Variants in ZNF682 observed in about 807,000 individuals in gnomAD.
ZNF682 encodes zinc finger protein 682.
A neutral mutation model predicts 36.5 loss-of-function variants in ZNF682; 29 were observed. The observed-to-expected ratio is 0.80, with a 90% confidence interval of 0.59 to 1.08. The LOEUF (loss-of-function observed/expected upper bound fraction) is 1.08, where lower values mean the gene tolerates loss of function less well. Among genes scored for constraint, ZNF682 ranks in the 50% least tolerant of loss-of-function variants. ZNF682 has a pLI of 0.00. For missense variants in ZNF682, 561 were observed against 579.7 expected, an observed-to-expected ratio of 0.97 and a Z score of 0.33; for synonymous variants, 180 against 197.0, an observed-to-expected ratio of 0.91 and a Z score of 0.72.
chr19:20,004,362 G>A (rs1391655825), downstream of ZNF682: 3 of 152,104 alleles, frequency 2.0e-5, no homozygotes, highest in East Asian at 5.8e-4. Context: ...ACTTGAGTAA[G>A]GTAAAATAGG....
chr19:20,022,912 A>T, intron 3 of ZNF682, 92 bp downstream of exon 3: 1 of 1,055,302 alleles, frequency 9.5e-7, no homozygotes, highest in East Asian at 2.4e-5. Flanking sequence ...TCTCCATTGG[A>T]GCAGAGCTTC....
At chr19:20,019,418 G>T (rs2088365146) in intron 3 of ZNF682, among the ~76,000 whole-genome samples, 1 of 152,122 alleles carries the variant, frequency 6.6e-6, no homozygotes, top group Non-Finnish European at 1.5e-5. Flanking sequence ...GTTCTTGGCA[G>T]TTATTTTTTG....
In ZNF682 at chr19:20,005,968, T is replaced by C. The variant is rs77288754; in HGVS notation, c.*37A>G. The C allele has an allele frequency of 6.5e-7, 1 of 1,535,396 alleles. No individual in the cohort carries two copies. The highest frequency in any genetic ancestry group is 8.8e-7 in the Non-Finnish European group (1 of 1,142,106). On this transcript the variant is annotated 3_prime_UTR_variant, in exon 4 of 4. Transcript: ENST00000397165. ...GCAAGATTTATGGAATTTGCCACAT[T>C]CTTTACATTTGTAGGATTTCTCTTT...
At position 20,007,045 on chromosome 19, in the gene ZNF682, CTT is replaced by C. The variant is rs750012647; in HGVS notation, c.455_456del (p.Lys152SerfsTer3). 2.5e-6 allele frequency: 4 copies of C among 1,613,590 alleles called. No individual in the cohort carries two copies. The South Asian group carries it at 4.4e-5, about 18-fold the overall frequency. On this transcript the variant is annotated frameshift_variant, in exon 4 of 4. Coordinates refer to ENST00000397165, the MANE Select transcript of ZNF682 (RefSeq NM_033196.3). LOFTEE classifies it low-confidence loss of function (END_TRUNC). ...TTTAGATTTGATGATTTACTAAAGA[CTT>C]TCACACATTTATTATATGGGAAAAT... The part of the protein sequence containing the change: ...SKIFPYNKCV[K>X]VFSKSSNLNR...
chr19:20,011,195 C>G (rs763165268), intron 3 of ZNF682, among the ~76,000 whole-genome samples: 11 of 151,798 alleles, frequency 7.2e-5, no homozygotes, highest in Non-Finnish European at 1.5e-4. Flanking sequence ...GATTTTAAAC[C>G]AACAACAGTA....
In ZNF682 at chr19:20,006,869, C is replaced by CT; in HGVS notation, c.632dup (p.Trp212ValfsTer7). On this transcript the variant is annotated frameshift_variant, in exon 4 of 4. Transcript: ENST00000397165. LOFTEE classifies it high-confidence loss of function. ...TATGTTTAGTAAGGTATGAGAACCA[C>CT]TTAAAGGTTTTGCCACATTCCTCAC... The CT allele has an allele frequency of 6.2e-7, 1 of 1,614,014 alleles. No individual in the cohort carries two copies. Among genetic ancestry groups the CT allele is most frequent in the South Asian group, 1.1e-5 (1 of 91,068 alleles).
intron 3 of ZNF682, among the ~76,000 whole-genome samples, chr19:20,020,948 C>T (rs950508988): frequency 1.1e-5 from 1 of 87,742 alleles, no homozygotes; most frequent in East Asian, 2.4e-4. Context: ...TATATACTTC[C>T]AGTCCTGAAA....
intron 3 of ZNF682, 29 bp from the exon 4 acceptor site, chr19:20,007,304 A>G: frequency 6.5e-7 from 1 of 1,547,852 alleles, no homozygotes; most frequent in Non-Finnish European, 8.7e-7. Context: ...AAAATATCCC[A>G]CTTGTTATTT....
At chr19:20,018,165 C>T (rs1247627426) in intron 3 of ZNF682, among the ~76,000 whole-genome samples, 1 of 133,148 alleles carries the variant, frequency 7.5e-6, no homozygotes, top group African/African-American at 2.7e-5. Context: ...GGGATCTCGG[C>T]TCACTGCAAG....
At chr19:20,002,412 G>A (rs1343311804), downstream of ZNF682, among the ~76,000 whole-genome samples, 2 of 152,194 alleles carry the variant, frequency 1.3e-5, no homozygotes, top group East Asian at 3.9e-4. Context: ...GTCCCTGGGT[G>A]CTGAAAGACG....
intron 1 of ZNF682, among the ~76,000 whole-genome samples, chr19:20,027,546 G>C (rs1265749940): frequency 6.6e-6 from 1 of 152,210 alleles, no homozygotes; most frequent in Admixed American, 6.5e-5. Context: ...GATCATCTGA[G>C]ATCGGGAGTT....
At chr19:20,003,123 G>A (rs561329501), downstream of ZNF682, among the ~76,000 whole-genome samples, 51 of 139,072 alleles carry the variant, frequency 3.7e-4, no homozygotes, top group African/African-American at 1.3e-3. Flanking sequence ...CCCGGGAGGC[G>A]GAGCTTGCAG....
chr19:20,022,163 C>T (rs1185378611), intron 3 of ZNF682, among the ~76,000 whole-genome samples: 5 of 140,268 alleles, frequency 3.6e-5, no homozygotes, highest in Admixed American at 7.2e-5. Context: ...AGTGAAACTC[C>T]GTCGCAAAAA....
intron 3 of ZNF682, among the ~76,000 whole-genome samples, chr19:20,009,893 A>G (rs1450304631): frequency 1.3e-5 from 2 of 152,060 alleles, no homozygotes; most frequent in African/African-American, 4.8e-5. Context: ...GGTAGCGTGC[A>G]CCTGTAGTCC....
At chr19:20,023,340 T>C (rs1286071727) in intron 2 of ZNF682, among the ~76,000 whole-genome samples, 1 of 151,310 alleles carries the variant, frequency 6.6e-6, no homozygotes, top group African/African-American at 2.4e-5. Context: ...CTACTAGAAA[T>C]ACAAAAATGA....
chr19:20,009,453 C>A (rs555060884), intron 3 of ZNF682, among the ~76,000 whole-genome samples: 4 of 152,098 alleles, frequency 2.6e-5, no homozygotes, highest in East Asian at 1.9e-4. Flanking sequence ...GGAAAACATA[C>A]GTAAGGATAT....
intron 1 of ZNF682, among the ~76,000 whole-genome samples, chr19:20,037,821 A>G (rs563324247): frequency 1.3e-5 from 2 of 152,320 alleles, no homozygotes; most frequent in East Asian, 3.9e-4. Flanking sequence ...CTGTATCTCT[A>G]AGAAATGGAA....
At chr19:20,038,480 G>A (rs1469092623) in intron 1 of ZNF682, among the ~76,000 whole-genome samples, 1 of 152,120 alleles carries the variant, frequency 6.6e-6, no homozygotes, top group South Asian at 2.1e-4. Context: ...TTAGGCTGGG[G>A]CAACAGAGTG....
chr19:20,030,724 C>T (rs1049854530), intron 1 of ZNF682: 1 of 152,168 alleles, frequency 6.6e-6, no homozygotes, highest in Non-Finnish European at 1.5e-5. Context: ...GTGTGAAATT[C>T]AGCCATTTAT....
Sources: gnomAD v4.1 joint callset for allele counts (sites outside exome capture counted in the v4.1 genomes callset) on GRCh38, gnomAD v4.1.1 for gene constraint, MANE v1.5 for transcripts, NCBI Gene and HGNC (gene_info 2026-07-23, HGNC 2026-07-21) for gene names.